Variants in SMAD9 observed in about 807,000 individuals in gnomAD.
SMAD9 encodes the protein SMAD family member 9, also known as MAD homolog 9.
A neutral mutation model predicts 46.1 loss-of-function variants in SMAD9; 36 were observed. That is an observed-to-expected ratio of 0.78 (90% CI 0.60 to 1.03). The LOEUF (loss-of-function observed/expected upper bound fraction) is 1.03. Among genes scored for constraint, SMAD9 ranks in the 50% least tolerant of loss-of-function variants. The pLI, the probability that SMAD9 is intolerant of heterozygous loss-of-function variation, is 0.00. For synonymous variants in SMAD9, 245 were observed against 237.1 expected (o/e 1.03, Z -0.31); for missense variants, 572 against 599.8 (o/e 0.95, Z 0.48).
intron 6 of SMAD9, chr13:36,849,632 A>T (rs1026314656): frequency 2.8e-5 from 3 of 106,356 alleles, no homozygotes; most frequent in African/African-American, 1.1e-4. Flanking sequence ...GCTCCTCCCC[A>T]CTAAAACCTG....
At chr13:36,855,560 A>G (rs1319468040) in intron 5 of SMAD9, among the ~76,000 whole-genome samples, 1 of 152,220 alleles carries the variant, frequency 6.6e-6, no homozygotes, top group Non-Finnish European at 1.5e-5. Context: ...AACAATCCAG[A>G]ATATACTTAT....
At chr13:36,877,789 CACACAGGTAGATGTTA>C (rs1259942144) in intron 2 of SMAD9, among the ~76,000 whole-genome samples, 2 of 152,166 alleles carry the variant, frequency 1.3e-5, no homozygotes, top group African/African-American at 4.8e-5. Flanking sequence ...GAGGCATCCA[CACACAGGTAGATGTTA>C]AGTTCTGGGA....
chr13:36,861,033 C>T (rs910332752), intron 5 of SMAD9, among the ~76,000 whole-genome samples: 1 of 152,100 alleles, frequency 6.6e-6, no homozygotes, highest in African/African-American at 2.4e-5. Context: ...CCCTTTGTAC[C>T]AGTTAACTGC....
intron 1 of SMAD9, among the ~76,000 whole-genome samples, chr13:36,880,333 T>A (rs370288964): frequency 6.6e-5 from 10 of 152,340 alleles, no homozygotes; most frequent in South Asian, 4.1e-4. Context: ...GAAATGACAG[T>A]GGCTCCTTGG....
intron 4 of SMAD9, 101 bp from the exon 5 acceptor site, chr13:36,865,859 G>A: frequency 4.0e-6 from 4 of 1,010,912 alleles, no homozygotes; most frequent in Non-Finnish European, 6.1e-6. Flanking sequence ...TCACCAGAAA[G>A]TCGGCTGCAA....
chr13:36,898,820 T>C (rs1391279793), intron 1 of SMAD9, among the ~76,000 whole-genome samples: 3 of 152,190 alleles, frequency 2.0e-5, no homozygotes, highest in Admixed American at 6.5e-5. Flanking sequence ...TAATAATTAG[T>C]GGTGAAATAC....
intron 1 of SMAD9, among the ~76,000 whole-genome samples, chr13:36,905,276 A>AC (rs1198608501): frequency 6.6e-6 from 1 of 152,106 alleles, no homozygotes; most frequent in Non-Finnish European, 1.5e-5. Context: ...TGGTTGTTTT[A>AC]CCCCACTCCC....
At position 36,879,725 on chromosome 13, in the gene SMAD9, C is replaced by T. The variant is rs746834121; in HGVS notation, c.-36G>A. ...AGCAGGCTCCGGCGCGCACGGGAAC[C>T]GCACAGCCCTTCACGGCAAAGTGGG... On this transcript the variant is annotated 5_prime_UTR_variant, in exon 2 of 7. Transcript: ENST00000379826. The T allele has an allele frequency of 3.1e-6, 5 of 1,611,452 alleles. No individual in the cohort carries two copies. The highest frequency in any genetic ancestry group is 2.2e-5 in the South Asian group (2 of 90,958).
chr13:36,884,523 G>A (rs1011112593), intron 1 of SMAD9, among the ~76,000 whole-genome samples: 4 of 151,948 alleles, frequency 2.6e-5, no homozygotes, highest in South Asian at 2.1e-4. Flanking sequence ...TCTCATTTTC[G>A]AGTCTCTTAA....
rs1555303718 is a variant in SMAD9 at position 36,845,133 on chromosome 13, TAC to T, written c.*3541_*3542del. The T allele has an allele frequency of 6.7e-6, 1 of 148,218 alleles. No homozygotes were observed. The highest frequency in any genetic ancestry group is 1.5e-5 in the Non-Finnish European group (1 of 66,222). 9.2% of individuals were successfully genotyped at this position (148,218 alleles called of 1,614,324 possible). A position where few individuals can be genotyped will look rare whatever the true frequency, so the allele number is the denominator to read the frequency against. On this transcript the variant is annotated 3_prime_UTR_variant, in exon 7 of 7. Coordinates refer to ENST00000379826, the MANE Select transcript of SMAD9 (RefSeq NM_001127217.3). The stretch of plus-strand genomic sequence containing the variant: ...GTGTGTGTATATATATATATATATA[TAC>T]ACACTAAATATTTGGGACACAAAGT...
intron 1 of SMAD9, among the ~76,000 whole-genome samples, chr13:36,889,002 G>C (rs1422862936): frequency 6.6e-6 from 1 of 152,138 alleles, no homozygotes; most frequent in East Asian, 1.9e-4. Context: ...ACTGAAAAAT[G>C]CCTCCCAAGT....
intron 3 of SMAD9, among the ~76,000 whole-genome samples, chr13:36,868,465 C>T (rs2058257163): frequency 6.6e-6 from 1 of 152,168 alleles, no homozygotes; most frequent in African/African-American, 2.4e-5. Flanking sequence ...ACAGGCTGAG[C>T]ACAGTGGCTC....
intron 1 of SMAD9, among the ~76,000 whole-genome samples, chr13:36,919,186 A>G (rs2058721167): frequency 6.6e-6 from 1 of 152,202 alleles, no homozygotes; most frequent in Non-Finnish European, 1.5e-5. Flanking sequence ...TTTCCAAACT[A>G]TCACTTCAAA....
At position 36,844,920 on chromosome 13, in the gene SMAD9, A is replaced by G. The variant is rs953863009; in HGVS notation, c.*3756T>C. ...ACCGAAGCCAAGTTATTATAATAGA[A>G]AGCATGACTTCACTCAAATAGACAG... On this transcript the variant is annotated 3_prime_UTR_variant, in exon 7 of 7. Transcript: ENST00000379826. The G allele has an allele frequency of 6.7e-6, 1 of 150,328 alleles. No individual in the cohort carries two copies. The highest frequency in any genetic ancestry group is 2.4e-5 in the African/African-American group (1 of 41,276). The allele number at this position is 150,328 out of a possible 1,614,324, so 9.3% of individuals were successfully genotyped here. A position where few individuals can be genotyped will look rare whatever the true frequency, so the allele number is the denominator to read the frequency against.
intron 3 of SMAD9, among the ~76,000 whole-genome samples, chr13:36,869,529 ACTC>A (rs1254013621): frequency 6.6e-6 from 1 of 151,926 alleles, no homozygotes; most frequent in Non-Finnish European, 1.5e-5. Context: ...GCTAGACTGT[ACTC>A]TTAAAAATGG....
Position 36,846,657 on chromosome 13 carries a change from G to T in SMAD9, c.*2019C>A, listed in dbSNP as rs1566326964. The T allele has an allele frequency of 6.6e-6, 1 of 151,800 alleles. No individual in the cohort carries two copies. 9.4% of individuals were successfully genotyped at this position (151,800 alleles called of 1,614,324 possible). ...AGAAAAGGGGACATGGAGAATTATT[G>T]GAAAACAGGGAAGAAAGGGGAGGAA... On this transcript the variant is annotated 3_prime_UTR_variant, in exon 7 of 7. Coordinates refer to ENST00000379826, the MANE Select transcript of SMAD9 (RefSeq NM_001127217.3).
At chr13:36,893,044 TAAG>T (rs2058500550) in intron 1 of SMAD9, among the ~76,000 whole-genome samples, 1 of 152,184 alleles carries the variant, frequency 6.6e-6, no homozygotes, top group African/African-American at 2.4e-5. Context: ...ATGTGAATAA[TAAG>T]AATTTATAGA....
intron 5 of SMAD9, among the ~76,000 whole-genome samples, chr13:36,857,861 C>T (rs1365349068): frequency 3.3e-5 from 5 of 152,180 alleles, no homozygotes; most frequent in South Asian, 2.1e-4. Context: ...ACAAGCACAA[C>T]GCCTCCTCTC....
Position 36,919,889 on chromosome 13 carries a change from A to G in SMAD9, c.-187+227T>C, listed in dbSNP as rs1166933100. Reference sequence around the variant, plus strand: ...AAAACCCGGGAACAACGACCGCCAAAAGCCAAGCCTCACGCCGAGGAGCCT... The same window carrying G: ...AAAACCCGGGAACAACGACCGCCAAGAGCCAAGCCTCACGCCGAGGAGCCT... On this transcript the variant is annotated intron_variant, in intron 1 of 6. Transcript: ENST00000379826. Among the ~76,000 whole-genome samples, 3 of 146,558 alleles carry G rather than the reference A, an allele frequency of 2.0e-5. No homozygotes were observed. The East Asian group carries it at 6.6e-4, about 32-fold the overall frequency.
Sources: allele counts gnomAD v4.1 joint callset (sites outside exome capture counted in the v4.1 genomes callset), GRCh38; gene constraint gnomAD v4.1.1; transcripts MANE v1.5; gene names NCBI Gene and HGNC (gene_info 2026-07-23, HGNC 2026-07-21).